ABR: variants seen among roughly 807,000 people sequenced by gnomAD.
ABR encodes the protein active breakpoint cluster region-related protein.
Under a neutral mutation model 107.2 loss-of-function variants are expected in ABR, and 35 were observed. The observed-to-expected ratio is 0.33, with a 90% CI of 0.25 to 0.43. ABR has a LOEUF of 0.43. Among genes scored for constraint, ABR ranks in the 20% least tolerant of loss-of-function variants. The probability of loss-of-function intolerance (pLI) is 1.00; values close to 1 mark genes in which losing one functional copy is unlikely to be tolerated. For synonymous variants in ABR, 498 were observed against 462.0 expected (o/e 1.08, Z -1.00); for missense variants, 815 against 1,115.2 (o/e 0.73, Z 3.83).
intron 6 of ABR, among the ~76,000 whole-genome samples, chr17:1,076,795 G>C (rs896636298): frequency 2.7e-5 from 4 of 150,754 alleles, no homozygotes; most frequent in Non-Finnish European, 4.4e-5. Flanking sequence ...GAGCGGCCCT[G>C]AAGTTTGTGC....
At chr17:1,146,825 A>AC (rs1315322397) in intron 1 of ABR, among the ~76,000 whole-genome samples, 3 of 129,882 alleles carry the variant, frequency 2.3e-5, no homozygotes, top group African/African-American at 5.6e-5. Flanking sequence ...CACCACTGCC[A>AC]CACGACACCA....
chr17:1,040,067 A>G (rs1157839972), intron 16 of ABR, among the ~76,000 whole-genome samples: 1 of 152,132 alleles, frequency 6.6e-6, no homozygotes, highest in African/African-American at 2.4e-5. Context: ...GAGGCCTGGA[A>G]CGGGGAAGCA....
At chr17:1,167,043 A>G (rs1188006864) in intron 1 of ABR, among the ~76,000 whole-genome samples, 1 of 152,008 alleles carries the variant, frequency 6.6e-6, no homozygotes, top group Non-Finnish European at 1.5e-5. Context: ...GCAGAATCTG[A>G]GCTCCGGACC....
intron 16 of ABR, among the ~76,000 whole-genome samples, chr17:1,019,303 T>C (rs1194507448): frequency 6.6e-6 from 1 of 152,188 alleles, no homozygotes; most frequent in East Asian, 1.9e-4. Flanking sequence ...TCTGCCTTCC[T>C]GCTCCACTAA....
At chr17:1,026,683 A>T (rs1168666338) in intron 16 of ABR, among the ~76,000 whole-genome samples, 4 of 152,192 alleles carry the variant, frequency 2.6e-5, no homozygotes, top group Non-Finnish European at 5.9e-5. Flanking sequence ...CAGGCAGGTC[A>T]CAGGCGCAGG....
Position 1,010,608 on chromosome 17 carries a change from G to A in ABR, c.2236+121C>T. The A allele has an allele frequency of 7.2e-7, 1 of 1,387,720 alleles. No individual in the cohort carries two copies. 86.0% of individuals were successfully genotyped at this position (1,387,720 alleles called of 1,614,324 possible). On this transcript the variant is annotated intron_variant, in intron 20 of 22. Coordinates refer to ENST00000302538, the MANE Select transcript of ABR (RefSeq NM_021962.5). This position sits in a 1 kb window ranked among gnomAD's most constrained non-coding sequence, Gnocchi z 4.1. ...GGACCCCTCAGCCACAGGCCCCAGT[G>A]CACTGGGAAGGTCAGCCAGCAAAGG...
chr17:1,040,467 G>A (rs2030199809), intron 16 of ABR, among the ~76,000 whole-genome samples: 1 of 152,256 alleles, frequency 6.6e-6, no homozygotes, highest in Non-Finnish European at 1.5e-5. Context: ...GGGCCAGCCG[G>A]CATTGAGGGC....
intron 21 of ABR, among the ~76,000 whole-genome samples, chr17:1,008,931 G>C (rs765923496): frequency 7.9e-5 from 12 of 152,200 alleles, no homozygotes; most frequent in African/African-American, 4.8e-5. Flanking sequence ...TCTGAATTTA[G>C]GATCTGGAAG....
At position 1,070,100 on chromosome 17, in the gene ABR, A is replaced by G. The variant is rs748822927; in HGVS notation, c.895-10T>C. ...TCACCAGCTGTCGCGTCTGAGGGAG[A>G]TGGCAGACCCCCCAGCCTGCTCAGA... On this transcript the variant is annotated splice_polypyrimidine_tract_variant and intron_variant, in intron 8 of 22. Coordinates refer to ENST00000302538, the MANE Select transcript of ABR (RefSeq NM_021962.5). The surrounding 1 kb of genome is among the most constrained non-coding windows in gnomAD (Gnocchi z 4.2). The G allele has an allele frequency of 6.2e-7, 1 of 1,613,204 alleles. No individual in the cohort carries two copies.
At chr17:1,073,478 C>T (rs527649858) in intron 7 of ABR, 147 bp downstream of exon 7, 85 of 606,906 alleles carry the variant, frequency 1.4e-4, no homozygotes, top group African/African-American at 9.2e-4. Flanking sequence ...GCATGGATAC[C>T]GCGGGCCAGA....
chr17:1,173,078 GT>G (rs1430872756), intron 1 of ABR, among the ~76,000 whole-genome samples: 2 of 58,758 alleles, frequency 3.4e-5, no homozygotes, highest in Non-Finnish European at 6.8e-5. Context: ...CATCACCTCA[GT>G]CCACCCCCCC....
chr17:1,022,996 G>A (rs998163903), intron 16 of ABR, among the ~76,000 whole-genome samples: 5 of 145,902 alleles, frequency 3.4e-5, no homozygotes, highest in African/African-American at 1.1e-4. Context: ...CCTGCCCCAC[G>A]TCCGCTCCAG....
upstream of ABR, among the ~76,000 whole-genome samples, chr17:1,190,826 G>A (rs571123664): frequency 2.6e-5 from 4 of 152,350 alleles, no homozygotes; most frequent in Non-Finnish European, 5.9e-5. Context: ...CGCTGCAGGC[G>A]AAGCTGTGAG....
rs142947088 is a variant in ABR, at chr17:1,037,877, C to T, written c.1791+12173G>A. 3.5e-3 allele frequency among the ~76,000 whole-genome samples: 537 copies of T among 152,300 alleles called. 1 individual carries two copies. The highest frequency in any genetic ancestry group is 0.012 in the African/African-American group (506 of 41,572). On this transcript the variant is annotated intron_variant, in intron 16 of 22. Coordinates refer to ENST00000302538, the MANE Select transcript of ABR (RefSeq NM_021962.5). This position sits in a 1 kb window ranked among gnomAD's most constrained non-coding sequence, Gnocchi z 4.6. ...GGGAGCCAGGGACCTGTGGACTCAA[C>T]GGCTGTGTTTTTCTCTGGGTTCAGT...
At chr17:1,207,091 A>G (rs1283930881) in intron 1 of ABR, among the ~76,000 whole-genome samples, 1 of 28,552 alleles carries the variant, frequency 3.5e-5, no homozygotes, top group Non-Finnish European at 7.8e-4. Flanking sequence ...CTCAAAACAA[A>G]CAAAAAAAAA....
Position 1,018,136 on chromosome 17 carries a change from G to A in ABR, c.1792-4972C>T, listed in dbSNP as rs563822092. On this transcript the variant is annotated intron_variant, in intron 16 of 22. Coordinates refer to ENST00000302538, the MANE Select transcript of ABR (RefSeq NM_021962.5). ...TGGCTCACTGCAAGCTCCGCCTCCC[G>A]GGTTCACGCCATTCTCCTGCCTCAG... Among the ~76,000 whole-genome samples the A allele has an allele frequency of 7.4e-3, 1,118 of 152,006 alleles. 7 individuals are homozygous for A. Among genetic ancestry groups the A allele is most frequent in the Middle Eastern group, 0.02 (6 of 294 alleles).
At chr17:1,013,270 G>A (rs538615360) in intron 16 of ABR, 106 bp from the exon 17 acceptor site, 105 of 1,100,330 alleles carry the variant, frequency 9.5e-5, no homozygotes, top group South Asian at 1.4e-4. Flanking sequence ...TCAGGAAGGC[G>A]GAAGTGAGCA....
intron 3 of ABR, among the ~76,000 whole-genome samples, chr17:1,096,860 G>A (rs2037482502): frequency 6.9e-6 from 1 of 144,282 alleles, no homozygotes; most frequent in South Asian, 2.3e-4. Context: ...GAGAGCTGGG[G>A]AATGGGGGAA....
intron 6 of ABR, among the ~76,000 whole-genome samples, chr17:1,077,366 G>C (rs968554006): frequency 2.0e-5 from 3 of 152,206 alleles, no homozygotes; most frequent in Non-Finnish European, 4.4e-5. Flanking sequence ...GTTTCACTGA[G>C]TCGAAGCTTC....
Sources: allele counts gnomAD v4.1 joint callset (sites outside exome capture counted in the v4.1 genomes callset), GRCh38; gene constraint gnomAD v4.1.1; non-coding constraint Gnocchi (gnomAD v3.1); transcripts MANE v1.5; gene names NCBI Gene and HGNC (gene_info 2026-07-23, HGNC 2026-07-21).